GNB1: variants seen among roughly 807,000 people sequenced by gnomAD.
GNB1 encodes guanine nucleotide-binding protein G(I)/G(S)/G(T) subunit beta-1.
GNB1 carries 2 observed loss-of-function variants against 42.9 expected under a neutral mutation model. That is an observed-to-expected ratio of 0.05 (90% CI 0.02 to 0.15). The LOEUF is 0.15. GNB1 is among the 10% of genes least tolerant of loss of function. The pLI is 1.00. For missense variants in GNB1, 193 were observed against 462.2 expected (o/e 0.42, Z 5.34); for synonymous variants, 183 against 174.7 (o/e 1.05, Z -0.38).
At chr1:1,869,933 G>C (rs956085664) in intron 1 of GNB1, among the ~76,000 whole-genome samples, 2 of 151,932 alleles carry the variant, frequency 1.3e-5, no homozygotes, top group Non-Finnish European at 1.5e-5. Flanking sequence ...TACAATCTAG[G>C]CTCACTGCAA....
At chr1:1,879,776 T>C (rs1649741464) in intron 1 of GNB1, among the ~76,000 whole-genome samples, 1 of 152,100 alleles carries the variant, frequency 6.6e-6, no homozygotes, top group African/African-American at 2.4e-5. Context: ...TATTTTACAT[T>C]TTACATTTAC....
rs761082921 is a variant in GNB1, at chr1:1,883,148, C to T, written c.-96+7672G>A. On this transcript the variant is annotated intron_variant, in intron 1 of 11. Transcript: ENST00000378609. ...TTAGCTGGGCACGGTGGCATGTGCC[C>T]GTGGTCCTAGCTACTTGTGAGACTG... Among the ~76,000 whole-genome samples the T allele has an allele frequency of 5.9e-5, 9 of 151,274 alleles. No individual in the cohort carries two copies. In the East Asian group the frequency reaches 1.8e-3, roughly 30 times the overall value.
chr1:1,789,185 T>C lies in GNB1; in HGVS notation c.784A>G (p.Met262Val). ...ATGATGTTGTCATGGGAGTAAGTCA[T>C]GAGCTCCTGGTCAGCACGAAGGTCA... Reference protein sequence around the residue: ...LFDLRADQELMTYSHDNIICG... With the variant: ...LFDLRADQELVTYSHDNIICG... Residue 262 changes from methionine to valine, a missense_variant, in exon 10 of 12, where the codon ATG (methionine) becomes GTG (valine). Met to Val is a conservative substitution (Grantham distance 21). Around this residue, in one of 2 missense-constraint regions of GNB1, gnomAD observed 150 missense variants for 410.8 expected, o/e 0.37. Transcript: ENST00000378609. 4 of 1,613,908 alleles carry C rather than the reference T, an allele frequency of 2.5e-6. No individual in the cohort carries two copies. The highest frequency in any genetic ancestry group is 3.4e-6 in the Non-Finnish European group (4 of 1,179,772).
intron 7 of GNB1, among the ~76,000 whole-genome samples, chr1:1,800,909 T>C (rs1646616678): frequency 6.6e-6 from 1 of 152,268 alleles, no homozygotes; most frequent in Non-Finnish European, 1.5e-5. Context: ...AGAACTGCAT[T>C]AACCATGACT....
rs764770433 is a variant in GNB1, at chr1:1,804,402, T to C, written c.430+17A>G. 3.1e-6 allele frequency: 5 copies of C among 1,602,748 alleles called. No homozygotes were observed. Among genetic ancestry groups the C allele is most frequent in the Non-Finnish European group, 4.3e-6 (5 of 1,169,690 alleles). ...AACAGCTTGTGTCACTTGAAGCTTA[T>C]GAACAAGGACAGGTACCTGTGTGTC... is the stretch of plus-strand genomic sequence containing the variant. On this transcript the variant is annotated intron_variant, in intron 7 of 11. Coordinates refer to ENST00000378609, the MANE Select transcript of GNB1 (RefSeq NM_002074.5).
intron 1 of GNB1, among the ~76,000 whole-genome samples, chr1:1,854,486 T>C (rs551832696): frequency 4.6e-5 from 7 of 151,972 alleles, no homozygotes; most frequent in Non-Finnish European, 8.8e-5. Flanking sequence ...AAAAGCTCAG[T>C]CATAAAAAAA....
At chr1:1,834,402 T>C (rs990115211) in intron 2 of GNB1, among the ~76,000 whole-genome samples, 9 of 152,196 alleles carry the variant, frequency 5.9e-5, no homozygotes, top group Non-Finnish European at 1.5e-5. Flanking sequence ...TGTTAGCCTA[T>C]GGCCTCTTTT....
At chr1:1,890,084 G>C (rs1570772716) in intron 1 of GNB1, among the ~76,000 whole-genome samples, 1 of 152,138 alleles carries the variant, frequency 6.6e-6, no homozygotes, top group African/African-American at 2.4e-5. Context: ...CATTCGCGGG[G>C]CCGGGCCGGG....
At chr1:1,840,675 T>A (rs1647218920) in intron 1 of GNB1, among the ~76,000 whole-genome samples, 3 of 152,218 alleles carry the variant, frequency 2.0e-5, no homozygotes, top group Admixed American at 1.3e-4. Flanking sequence ...ATAACTACTT[T>A]GTGAGTCCTG....
At chr1:1,801,894 G>A (rs1327877108) in intron 7 of GNB1, among the ~76,000 whole-genome samples, 1 of 152,184 alleles carries the variant, frequency 6.6e-6, no homozygotes, top group East Asian at 1.9e-4. Context: ...TAAGCTGAAA[G>A]GACCCCCATG....
intron 2 of GNB1, among the ~76,000 whole-genome samples, chr1:1,831,851 G>A (rs903602334): frequency 6.6e-6 from 1 of 151,214 alleles, no homozygotes; most frequent in Non-Finnish European, 1.5e-5. Context: ...TTGAGCTCAG[G>A]AGTTCAAGAC....
At chr1:1,846,742 TG>T (rs1647690667) in intron 1 of GNB1, among the ~76,000 whole-genome samples, 1 of 152,174 alleles carries the variant, frequency 6.6e-6, no homozygotes, top group African/African-American at 2.4e-5. Context: ...TGTTTCTTTA[TG>T]GAGAGAGGGT....
chr1:1,852,315 G>C (rs925303213), intron 1 of GNB1, among the ~76,000 whole-genome samples: 2 of 151,874 alleles, frequency 1.3e-5, no homozygotes, highest in Non-Finnish European at 2.9e-5. Context: ...TGCAAGCTCC[G>C]CCTCCCGGGT....
intron 3 of GNB1, among the ~76,000 whole-genome samples, chr1:1,822,537 G>T (rs1054174192): frequency 1.2e-4 from 18 of 151,850 alleles, no homozygotes; most frequent in Admixed American, 3.3e-4. Context: ...GGATGGTATC[G>T]ATCTCCTGAC....
At chr1:1,840,559 A>G (rs1647216945) in intron 1 of GNB1, among the ~76,000 whole-genome samples, 1 of 152,244 alleles carries the variant, frequency 6.6e-6, no homozygotes, top group South Asian at 2.1e-4. Flanking sequence ...ACACAGACAC[A>G]ACACTAATAC....
intron 1 of GNB1, among the ~76,000 whole-genome samples, chr1:1,887,637 T>C (rs1266121286): frequency 1.3e-5 from 2 of 152,238 alleles, no homozygotes; most frequent in African/African-American, 2.4e-5. Context: ...CAGAGGTTTT[T>C]ACTCTTTTGA....
At chr1:1,803,807 C>T (rs986147989) in intron 7 of GNB1, among the ~76,000 whole-genome samples, 1 of 151,758 alleles carries the variant, frequency 6.6e-6, no homozygotes, top group African/African-American at 2.4e-5. Context: ...TACAGCAAAA[C>T]CCCGCCTCTA....
intron 7 of GNB1, among the ~76,000 whole-genome samples, chr1:1,803,346 G>A (rs1646651292): frequency 6.6e-6 from 1 of 152,218 alleles, no homozygotes; most frequent in Non-Finnish European, 1.5e-5. Context: ...GCCCAGCCTG[G>A]AGTGCAGTGG....
intron 1 of GNB1, among the ~76,000 whole-genome samples, chr1:1,889,862 G>A (rs1171615215): frequency 6.6e-6 from 1 of 152,138 alleles, no homozygotes; most frequent in East Asian, 1.9e-4. Context: ...ATTTTCAACA[G>A]ATCTCCCCAC....
Sources: gnomAD v4.1 joint callset for allele counts (sites outside exome capture counted in the v4.1 genomes callset) on GRCh38, gnomAD v4.1.1 for gene constraint, gnomAD v4.1.1 regional missense constraint, MANE v1.5 for transcripts, NCBI Gene and HGNC (gene_info 2026-07-23, HGNC 2026-07-21) for gene names.